The following WWOX variants were observed in gnomAD, a reference collection of about 807,000 sequenced individuals.
The protein encoded by WWOX is WW domain containing oxidoreductase, also known as WW domain-containing oxidoreductase.
WWOX carries 69 observed loss-of-function variants against 46.2 expected under a neutral mutation model. The observed-to-expected ratio is 1.49, with a 90% CI of 1.23 to 1.82. The LOEUF (loss-of-function observed/expected upper bound fraction) is 1.82, where lower values mean the gene tolerates loss of function less well. Ranked by LOEUF, WWOX falls within the 40% of genes most tolerant of loss-of-function variation. The pLI is 0.00. For missense variants in WWOX, 919 were observed against 542.6 expected (o/e 1.69, Z -6.89); for synonymous variants, 359 against 202.6 (o/e 1.77, Z -6.56).
At chr16:78,736,981 C>A (rs957865483) in intron 8 of WWOX, among the ~76,000 whole-genome samples, 1 of 152,104 alleles carries the variant, frequency 6.6e-6, no homozygotes, top group Non-Finnish European at 1.5e-5. Flanking sequence ...AAAACAGATT[C>A]CAATAAAGAG....
chr16:78,213,857 C>T (rs1176516513), intron 5 of WWOX, among the ~76,000 whole-genome samples: 2 of 152,156 alleles, frequency 1.3e-5, no homozygotes, highest in African/African-American at 4.8e-5. Context: ...GTGACAAGCC[C>T]TGGAGACCTG....
At chr16:79,107,585 T>A (rs1390313669) in intron 8 of WWOX, among the ~76,000 whole-genome samples, 1 of 152,216 alleles carries the variant, frequency 6.6e-6, no homozygotes, top group Admixed American at 6.5e-5. Flanking sequence ...GCAGCCTGAT[T>A]TTTCTTTGCT....
chr16:78,710,444 C>T (rs1465882278), intron 8 of WWOX, among the ~76,000 whole-genome samples: 2 of 110,062 alleles, frequency 1.8e-5, no homozygotes, highest in Non-Finnish European at 3.6e-5. Context: ...TTTATCCCTT[C>T]TGTTGATGCA....
chr16:78,749,032 G>T (rs749212380), intron 8 of WWOX, among the ~76,000 whole-genome samples: 3 of 152,228 alleles, frequency 2.0e-5, no homozygotes, highest in Non-Finnish European at 2.9e-5. Flanking sequence ...AGAGAAATTA[G>T]CCAAGTGTAT....
At chr16:78,168,743 A>G (rs1241157398) in intron 5 of WWOX, among the ~76,000 whole-genome samples, 1 of 152,196 alleles carries the variant, frequency 6.6e-6, no homozygotes, top group Non-Finnish European at 1.5e-5. Flanking sequence ...TTTATATTCA[A>G]GATATCCTTT....
chr16:78,571,896 G>A (rs564431404), intron 8 of WWOX, among the ~76,000 whole-genome samples: 12 of 152,238 alleles, frequency 7.9e-5, no homozygotes, highest in African/African-American at 2.9e-4. Flanking sequence ...ATACAACAAT[G>A]ATAAGTTATT....
At chr16:78,150,167 A>C (rs1425312564) in intron 4 of WWOX, among the ~76,000 whole-genome samples, 1 of 152,174 alleles carries the variant, frequency 6.6e-6, no homozygotes, top group Non-Finnish European at 1.5e-5. Context: ...ATAATTTGCT[A>C]TAATGGCTCA....
At chr16:78,105,761 A>G (rs1012427886) in intron 1 of WWOX, among the ~76,000 whole-genome samples, 28 of 152,178 alleles carry the variant, frequency 1.8e-4, no homozygotes, top group African/African-American at 6.5e-4. Flanking sequence ...CCTGCCTGCC[A>G]ACAAGGCTCA....
chr16:78,513,169 T>TG (rs1416189617), intron 8 of WWOX, among the ~76,000 whole-genome samples: 3 of 152,162 alleles, frequency 2.0e-5, no homozygotes, highest in Non-Finnish European at 4.4e-5. Context: ...TTAAAACAAA[T>TG]GCCTCAAATC....
At chr16:78,397,116 T>A (rs1225982321) in intron 6 of WWOX, among the ~76,000 whole-genome samples, 1 of 152,102 alleles carries the variant, frequency 6.6e-6, no homozygotes, top group Non-Finnish European at 1.5e-5. Context: ...TTGAAGAAAC[T>A]CCCCCATGAT....
At chr16:78,609,936 G>A (rs1567434177) in intron 8 of WWOX, among the ~76,000 whole-genome samples, 1 of 152,098 alleles carries the variant, frequency 6.6e-6, no homozygotes, top group Non-Finnish European at 1.5e-5. Context: ...GTAGGGGGTA[G>A]CATAGAATAA....
Position 78,730,706 on chromosome 16 carries a change from C to G in WWOX, c.1056+297954C>G, listed in dbSNP as rs542371948. ...AACTCCTGGGCTCAAGCGATACTCC[C>G]TCCTTATCCTCCCAAAGTGCTGGGA... On this transcript the variant is annotated intron_variant, in intron 8 of 8. Transcript: ENST00000566780. Among the ~76,000 whole-genome samples the G allele has an allele frequency of 1.3e-3, 196 of 151,224 alleles. 1 individual carries two copies. Among genetic ancestry groups the G allele is most frequent in the African/African-American group, 4.6e-3 (189 of 41,116 alleles).
At chr16:78,100,973 T>C (rs990822713) in intron 1 of WWOX, among the ~76,000 whole-genome samples, 1 of 152,168 alleles carries the variant, frequency 6.6e-6, no homozygotes, top group Non-Finnish European at 1.5e-5. Flanking sequence ...AACATGGATG[T>C]AAATCTGATT....
chr16:78,447,508 C>T (rs909262184), intron 8 of WWOX, among the ~76,000 whole-genome samples: 1 of 152,188 alleles, frequency 6.6e-6, no homozygotes, highest in Non-Finnish European at 1.5e-5. Context: ...CTGTATTTAT[C>T]AGAGGTGAAA....
intron 5 of WWOX, among the ~76,000 whole-genome samples, chr16:78,194,137 C>T (rs888287271): frequency 6.6e-6 from 1 of 151,912 alleles, no homozygotes; most frequent in Non-Finnish European, 1.5e-5. Flanking sequence ...CTCGGCCTCC[C>T]AAAGTGCTGG....
At chr16:78,783,858 C>T (rs149948088) in intron 8 of WWOX, among the ~76,000 whole-genome samples, 26 of 143,006 alleles carry the variant, frequency 1.8e-4, no homozygotes, top group African/African-American at 5.5e-4. Context: ...GGTGATATGA[C>T]GCTGATGATG....
At chr16:78,524,699 G>A (rs1026310818) in intron 8 of WWOX, among the ~76,000 whole-genome samples, 2 of 151,834 alleles carry the variant, frequency 1.3e-5, no homozygotes, top group Non-Finnish European at 2.9e-5. Flanking sequence ...GATTAAAGGT[G>A]TGAGCCACCG....
At chr16:78,692,609 C>T (rs1345822436) in intron 8 of WWOX, among the ~76,000 whole-genome samples, 1 of 152,194 alleles carries the variant, frequency 6.6e-6, no homozygotes, top group Non-Finnish European at 1.5e-5. Flanking sequence ...CTGAATCTCT[C>T]ACCCCCATGT....
In WWOX at chr16:78,346,976, C is replaced by T. The variant is rs544606741; in HGVS notation, c.517-39884C>T. On this transcript the variant is annotated intron_variant, in intron 5 of 8. Transcript: ENST00000566780. ...CTGACCTCAGGTGATCTGCCTGCCT[C>T]GGCCTCCCAAAGTGCTGGGATTACA... 8.4e-5 allele frequency among the ~76,000 whole-genome samples: 10 copies of T among 119,660 alleles called. 3 individuals are homozygous for T. The highest frequency in any genetic ancestry group is 2.5e-4 in the South Asian group (1 of 3,960). 78.5% of individuals were successfully genotyped at this position (119,660 alleles called of 152,430 possible).
Sources: allele counts gnomAD v4.1 joint callset (sites outside exome capture counted in the v4.1 genomes callset), GRCh38; gene constraint gnomAD v4.1.1; transcripts MANE v1.5; gene names NCBI Gene and HGNC (gene_info 2026-07-23, HGNC 2026-07-21).